Variants in CLYBL observed in about 807,000 individuals in gnomAD.
CLYBL encodes the protein citramalyl-CoA lyase.
A neutral mutation model predicts 38.9 loss-of-function variants in CLYBL; 31 were observed. The ratio of observed to expected loss-of-function variants is 0.80; its 90% CI spans 0.60 to 1.08. CLYBL has a LOEUF of 1.08. CLYBL is among the 50% of genes least tolerant of loss of function. CLYBL has a pLI of 0.00. For missense variants in CLYBL, 434 were observed against 411.6 expected, an observed-to-expected ratio of 1.05 and a Z score of -0.47; for synonymous variants, 171 against 158.6, an observed-to-expected ratio of 1.08 and a Z score of -0.59.
At chr13:99,862,964 A>G in intron 3 of CLYBL, 27 bp from the exon 4 acceptor site, 4 of 1,366,548 alleles carry the variant, frequency 2.9e-6, no homozygotes, top group Non-Finnish European at 3.1e-6. Context: ...TTTCCCCACT[A>G]ATCACCTATG....
intron 1 of CLYBL, among the ~76,000 whole-genome samples, chr13:99,705,243 GCA>G (rs141979381): frequency 2.0e-5 from 3 of 149,830 alleles, no homozygotes; most frequent in Non-Finnish European, 3.0e-5. Flanking sequence ...GTGTACACAT[GCA>G]CACACACACA....
At chr13:99,798,355 T>G (rs1253348617) in intron 2 of CLYBL, among the ~76,000 whole-genome samples, 2 of 152,168 alleles carry the variant, frequency 1.3e-5, no homozygotes, top group African/African-American at 2.4e-5. Context: ...TCGTTCCCCC[T>G]CCATCATCTT....
chr13:99,631,709 C>T (rs2139235635), intron 1 of CLYBL, among the ~76,000 whole-genome samples: 1 of 152,104 alleles, frequency 6.6e-6, no homozygotes, highest in South Asian at 2.1e-4. Context: ...AGCGATTCTT[C>T]TGCCTCAGCC....
At chr13:99,707,614 A>G (rs1044348144) in intron 1 of CLYBL, among the ~76,000 whole-genome samples, 9 of 152,142 alleles carry the variant, frequency 5.9e-5, no homozygotes, top group African/African-American at 2.2e-4. Flanking sequence ...GATATGTTTT[A>G]TAATAAAACA....
rs1258334667 is a variant in CLYBL at position 99,641,225 on chromosome 13, G to A, written c.62+34468G>A. 2.0e-5 allele frequency among the ~76,000 whole-genome samples: 3 copies of A among 152,134 alleles called. No homozygotes were observed. The East Asian group carries it at 5.8e-4, about 29-fold the overall frequency. The stretch of plus-strand genomic sequence containing the variant: ...GTTTTTTGATGATTTTAAAATATGA[G>A]TAATTAATCATTTATAACCTATAGG... On this transcript the variant is annotated intron_variant, in intron 1 of 8. Transcript: ENST00000339105.
chr13:99,900,587 A>C (rs955353635), downstream of CLYBL, among the ~76,000 whole-genome samples: 2 of 152,112 alleles, frequency 1.3e-5, no homozygotes, highest in African/African-American at 2.4e-5. Flanking sequence ...GGAGTTGTGC[A>C]ACTATTGGAC....
At chr13:99,828,126 C>G (rs1303455414) in intron 2 of CLYBL, among the ~76,000 whole-genome samples, 1 of 152,086 alleles carries the variant, frequency 6.6e-6, no homozygotes, top group African/African-American at 2.4e-5. Context: ...GAAATAACAC[C>G]ATAGAGTTTT....
intron 2 of CLYBL, among the ~76,000 whole-genome samples, chr13:99,802,983 T>C (rs1166772991): frequency 2.0e-5 from 3 of 152,208 alleles, no homozygotes; most frequent in East Asian, 1.9e-4. Flanking sequence ...TTTCCCAGCA[T>C]GTGCCACTTC....
chr13:99,902,472 G>A (rs1262486288), intron 8 of CLYBL, among the ~76,000 whole-genome samples: 1 of 152,148 alleles, frequency 6.6e-6, no homozygotes, highest in Non-Finnish European at 1.5e-5. Context: ...ATGAAAATCA[G>A]CATATTTTAA....
At chr13:99,763,548 CTTTTTTTT>C (rs59409196) in intron 1 of CLYBL, among the ~76,000 whole-genome samples, 1 of 116,170 alleles carries the variant, frequency 8.6e-6, no homozygotes, top group East Asian at 2.5e-4. Context: ...TCTTTTTATT[CTTTTTTTT>C]TTTTTTTTTT....
In CLYBL at chr13:99,697,491, C is replaced by G. The variant is rs980677864; in HGVS notation, c.63-75333C>G. On this transcript the variant is annotated intron_variant, in intron 1 of 8. Transcript: ENST00000339105. ...TCCCAGGTTCAAGTGATTCTCCCCA[C>G]TCAGTAGCTGGGATTACAGGCACGT... Among the ~76,000 whole-genome samples, 70 of 152,108 alleles carry G rather than the reference C, an allele frequency of 4.6e-4. 2 individuals are homozygous for G. Among genetic ancestry groups the G allele is most frequent in the Non-Finnish European group, 2.9e-5 (2 of 68,034 alleles).
intron 7 of CLYBL, among the ~76,000 whole-genome samples, chr13:99,883,903 T>A (rs2052280775): frequency 2.6e-5 from 4 of 152,332 alleles, no homozygotes; most frequent in Admixed American, 2.6e-4. Flanking sequence ...TCCTTCTCTC[T>A]GCAGCTCCTT....
intron 7 of CLYBL, among the ~76,000 whole-genome samples, chr13:99,890,286 G>A (rs924310130): frequency 6.6e-6 from 1 of 151,924 alleles, no homozygotes; most frequent in African/African-American, 2.4e-5. Context: ...TTACTACTCT[G>A]AGCCTCAGTT....
At chr13:99,871,131 A>G in intron 7 of CLYBL, 69 bp downstream of exon 7, 1 of 1,562,610 alleles carries the variant, frequency 6.4e-7, no homozygotes. Context: ...TGAAACAAAT[A>G]TGTTGTGTGA....
At chr13:99,847,406 A>G (rs1265289388) in intron 2 of CLYBL, among the ~76,000 whole-genome samples, 2 of 152,192 alleles carry the variant, frequency 1.3e-5, no homozygotes, top group Non-Finnish European at 2.9e-5. Context: ...CTTTTAAACC[A>G]AAACAGTTAA....
chr13:99,829,773 C>G (rs1451647978), intron 2 of CLYBL, among the ~76,000 whole-genome samples: 3 of 152,186 alleles, frequency 2.0e-5, no homozygotes, highest in African/African-American at 4.8e-5. Flanking sequence ...CCAATCAACT[C>G]CGAAATGTGA....
Position 99,866,173 on chromosome 13 carries a change from A to ATAAT in CLYBL, c.635-66_635-63dup, listed in dbSNP as rs1298402680. On this transcript the variant is annotated intron_variant, in intron 5 of 8. Coordinates refer to ENST00000339105, the MANE Select transcript of CLYBL (RefSeq NM_206808.5). ...AGATATCTGTACAAACTGAGGTTTT[A>ATAAT]TAATAAATATCTGGGTGCGGTTTCC... The ATAAT allele has an allele frequency of 6.3e-5, 92 of 1,462,718 alleles. No individual in the cohort carries two copies. The East Asian group carries it at 1.9e-3, about 30-fold the overall frequency. The allele number at this position is 1,462,718 out of a possible 1,614,324, so 90.6% of individuals were successfully genotyped here. A position where few individuals can be genotyped will look rare whatever the true frequency, so the allele number is the denominator to read the frequency against.
chr13:99,673,603 G>A (rs201600169), intron 1 of CLYBL, among the ~76,000 whole-genome samples: 2 of 152,172 alleles, frequency 1.3e-5, no homozygotes, highest in African/African-American at 2.4e-5. Context: ...CTGTGTGTCC[G>A]TGGTTAGCAG....
chr13:99,657,994 C>T (rs1172389784), intron 1 of CLYBL, among the ~76,000 whole-genome samples: 1 of 152,218 alleles, frequency 6.6e-6, no homozygotes, highest in Non-Finnish European at 1.5e-5. Context: ...CCTCGCCCTG[C>T]CTTCGGAGTT....
Sources: allele counts gnomAD v4.1 joint callset (sites outside exome capture counted in the v4.1 genomes callset), GRCh38; gene constraint gnomAD v4.1.1; transcripts MANE v1.5; gene names NCBI Gene and HGNC (gene_info 2026-07-23, HGNC 2026-07-21).